The following USP6NL variants were observed in gnomAD, a reference collection of about 807,000 sequenced individuals.
The protein encoded by USP6NL is USP6 N-terminal like.
USP6NL carries 26 observed loss-of-function variants against 61.9 expected under a neutral mutation model. The ratio of observed to expected loss-of-function variants is 0.42; its 90% CI spans 0.31 to 0.58. The LOEUF (loss-of-function observed/expected upper bound fraction) is 0.58. Ranked by LOEUF, USP6NL falls within the 20% of genes least tolerant of loss-of-function variation. The pLI, the probability that USP6NL is intolerant of heterozygous loss-of-function variation, is 0.16. For synonymous variants in USP6NL, 432 were observed against 390.1 expected (o/e 1.11, Z -1.27); for missense variants, 1,114 against 1,034.3 (o/e 1.08, Z -1.06).
intron 1 of USP6NL, among the ~76,000 whole-genome samples, chr10:11,608,708 A>G (rs1418089671): frequency 6.6e-6 from 1 of 152,238 alleles, no homozygotes; most frequent in African/African-American, 2.4e-5. Context: ...TACCTAACAC[A>G]AAGTCCTGGG....
intron 2 of USP6NL, among the ~76,000 whole-genome samples, chr10:11,531,669 A>T (rs1403345582): frequency 9.3e-6 from 1 of 107,734 alleles, no homozygotes; most frequent in African/African-American, 2.8e-5. Context: ...ATGTTTGTTT[A>T]AAAAAAAAAA....
At chr10:11,539,381 G>A (rs1272556538) in intron 2 of USP6NL, among the ~76,000 whole-genome samples, 5 of 152,160 alleles carry the variant, frequency 3.3e-5, no homozygotes, top group Admixed American at 6.5e-5. Flanking sequence ...AGTCTCCTGC[G>A]CCTTACTTCT....
At position 11,476,895 on chromosome 10, in the gene USP6NL, G is replaced by A. The variant is rs767830210; in HGVS notation, c.1078+4875C>T. 3.5e-4 allele frequency among the ~76,000 whole-genome samples: 39 copies of A among 110,610 alleles called. No individual in the cohort carries two copies. Among genetic ancestry groups the A allele is most frequent in the Admixed American group, 7.0e-4 (7 of 10,008 alleles). 72.6% of individuals were successfully genotyped at this position (110,610 alleles called of 152,430 possible). A position where few individuals can be genotyped will look rare whatever the true frequency, so the allele number is the denominator to read the frequency against. ...TTTATTATTATTATTTTTTCAAGAC[G>A]GAGTCTTGCTCTGTCACCCAGGCTG... On this transcript the variant is annotated intron_variant, in intron 14 of 14. Transcript: ENST00000609104. This position sits in a 1 kb window ranked among gnomAD's most constrained non-coding sequence, Gnocchi z 4.3.
chr10:11,608,289 G>T (rs1370324105), intron 1 of USP6NL, among the ~76,000 whole-genome samples: 1 of 152,206 alleles, frequency 6.6e-6, no homozygotes, highest in Non-Finnish European at 1.5e-5. Context: ...GTCACTCCCA[G>T]GTCTGGTATG....
chr10:11,578,517 T>C (rs1373780088), intron 2 of USP6NL, among the ~76,000 whole-genome samples: 1 of 152,146 alleles, frequency 6.6e-6, no homozygotes, highest in Non-Finnish European at 1.5e-5. Context: ...GGCGGAAGGA[T>C]CCCTTGAGCC....
intron 7 of USP6NL, among the ~76,000 whole-genome samples, chr10:11,498,383 G>A (rs1458317848): frequency 6.6e-6 from 1 of 150,630 alleles, no homozygotes; most frequent in Non-Finnish European, 1.5e-5. Context: ...CTAAATGCAA[G>A]AGAGAAAAAT....
chr10:11,548,900 A>G lies in USP6NL; in HGVS notation c.5-21333T>C, dbSNP rs539174789. Reference sequence around the variant, plus strand: ...AAGGAAGTTGTATTAGTGCTATTATACCCAGAAAAGTCCCTAAAGACCATT... The same window carrying G: ...AAGGAAGTTGTATTAGTGCTATTATGCCCAGAAAAGTCCCTAAAGACCATT... On this transcript the variant is annotated intron_variant, in intron 2 of 14. Coordinates refer to ENST00000609104, the MANE Select transcript of USP6NL (RefSeq NM_014688.5). This position sits in a 1 kb window ranked among gnomAD's most constrained non-coding sequence, Gnocchi z 4.3. Among the ~76,000 whole-genome samples the G allele has an allele frequency of 6.6e-6, 1 of 152,158 alleles. No individual in the cohort carries two copies. Among genetic ancestry groups the G allele is most frequent in the African/African-American group, 2.4e-5 (1 of 41,446 alleles).
rs1836352899 is a variant in USP6NL, at chr10:11,548,161, G to T, written c.5-20594C>A. Reference sequence around the variant, plus strand: ...TCCTTTTAGTTCTAAACAAAATTAGGCTTTTCCACATGAGAGGCCTGTAAA... The same window carrying T: ...TCCTTTTAGTTCTAAACAAAATTAGTCTTTTCCACATGAGAGGCCTGTAAA... On this transcript the variant is annotated intron_variant, in intron 2 of 14. Coordinates refer to ENST00000609104, the MANE Select transcript of USP6NL (RefSeq NM_014688.5). This position sits in a 1 kb window ranked among gnomAD's most constrained non-coding sequence, Gnocchi z 4.3. Among the ~76,000 whole-genome samples the T allele has an allele frequency of 6.6e-6, 1 of 152,036 alleles. No homozygotes were observed. The highest frequency in any genetic ancestry group is 2.4e-5 in the African/African-American group (1 of 41,382).
rs1254721500 is a variant in USP6NL, at chr10:11,525,551, A to T, written c.73-83T>A. On this transcript the variant is annotated intron_variant, in intron 3 of 14. Transcript: ENST00000609104. This position sits in a 1 kb window ranked among gnomAD's most constrained non-coding sequence, Gnocchi z 5.0. Reference sequence around the variant, plus strand: ...TAAAATAAAAGGACGAAGAAATAAGAGCTATTTTTAATGTATTACTAAAAA... The same window carrying T: ...TAAAATAAAAGGACGAAGAAATAAGTGCTATTTTTAATGTATTACTAAAAA... 2 of 1,209,992 alleles carry T rather than the reference A, an allele frequency of 1.7e-6. No individual in the cohort carries two copies. The highest frequency in any genetic ancestry group is 2.3e-6 in the Non-Finnish European group (2 of 883,154). 75.0% of individuals were successfully genotyped at this position (1,209,992 alleles called of 1,614,324 possible).
In USP6NL at chr10:11,493,234, G is replaced by C; in HGVS notation, c.385-6C>G. 4 of 1,593,806 alleles carry C rather than the reference G, an allele frequency of 2.5e-6. No homozygotes were observed. The highest frequency in any genetic ancestry group is 3.4e-6 in the Non-Finnish European group (4 of 1,167,252). ...CGTGCTCTGTGTTTTAATTTCTGAA[G>C]AGAGAAAGAGAGAACAGAACAGATT... On this transcript the variant is annotated splice_region_variant and splice_polypyrimidine_tract_variant and intron_variant, in intron 7 of 14. Coordinates refer to ENST00000609104, the MANE Select transcript of USP6NL (RefSeq NM_014688.5).
chr10:11,469,061 C>T (rs945514860), intron 14 of USP6NL, among the ~76,000 whole-genome samples: 12 of 152,190 alleles, frequency 7.9e-5, no homozygotes, highest in Non-Finnish European at 1.5e-4. Flanking sequence ...ACACATCACA[C>T]ATCTATGCAT....
At chr10:11,498,682 A>C (rs1286662975) in intron 7 of USP6NL, among the ~76,000 whole-genome samples, 1 of 152,188 alleles carries the variant, frequency 6.6e-6, no homozygotes, top group Non-Finnish European at 1.5e-5. Flanking sequence ...AAAATACGGC[A>C]ATATGAAGCT....
intron 10 of USP6NL, among the ~76,000 whole-genome samples, chr10:11,488,147 C>T (rs1423422938): frequency 6.6e-6 from 1 of 152,134 alleles, no homozygotes; most frequent in African/African-American, 2.4e-5. Flanking sequence ...GGCTGTGGCT[C>T]ACACCTGTAA....
rs1000987187 is a variant in USP6NL at position 11,511,974 on chromosome 10, C to G, written c.196-2299G>C. On this transcript the variant is annotated intron_variant, in intron 5 of 14. Coordinates refer to ENST00000609104, the MANE Select transcript of USP6NL (RefSeq NM_014688.5). The surrounding 1 kb of genome is among the most constrained non-coding windows in gnomAD (Gnocchi z 4.9). ...AATGCACATGAAAGTCTCTTTCCCC[C>G]AATCATGAATCTATAATTCATAGAT... Among the ~76,000 whole-genome samples, 2 of 152,100 alleles carry G rather than the reference C, an allele frequency of 1.3e-5. No homozygotes were observed. The highest frequency in any genetic ancestry group is 2.9e-5 in the Non-Finnish European group (2 of 68,024).
Position 11,490,739 on chromosome 10 carries a change from C to T in USP6NL, c.543+93G>A, listed in dbSNP as rs143272078. 1.5e-3 allele frequency: 1,894 copies of T among 1,276,572 alleles called. 5 individuals carry two copies. The highest frequency in any genetic ancestry group is 2.4e-3 in the Middle Eastern group (13 of 5,420). 79.1% of individuals were successfully genotyped at this position (1,276,572 alleles called of 1,614,324 possible). A position where few individuals can be genotyped will look rare whatever the true frequency, so the allele number is the denominator to read the frequency against. ...AAGAGACCATGGAGACCACCTAGCT[C>T]TGAGATGCAGAAATGTGCCCACAGG... On this transcript the variant is annotated intron_variant, in intron 9 of 14. Transcript: ENST00000609104. This position sits in a 1 kb window ranked among gnomAD's most constrained non-coding sequence, Gnocchi z 4.5.
At chr10:11,523,806 T>A (rs1835318548) in intron 4 of USP6NL, among the ~76,000 whole-genome samples, 1 of 152,192 alleles carries the variant, frequency 6.6e-6, no homozygotes, top group South Asian at 2.1e-4. Flanking sequence ...TCTGGTACAG[T>A]GGTTCATTCC....
chr10:11,469,204 T>C (rs1832617653), intron 14 of USP6NL, among the ~76,000 whole-genome samples: 1 of 152,254 alleles, frequency 6.6e-6, no homozygotes, highest in Non-Finnish European at 1.5e-5. Flanking sequence ...AGTTCTTTCA[T>C]GGCAGCCCCT....
chr10:11,473,296 C>T (rs904413896), intron 14 of USP6NL, among the ~76,000 whole-genome samples: 3 of 152,154 alleles, frequency 2.0e-5, no homozygotes, highest in Non-Finnish European at 4.4e-5. Flanking sequence ...AGGCAGGAGC[C>T]GGTTACTGTC....
intron 2 of USP6NL, among the ~76,000 whole-genome samples, chr10:11,554,135 A>T (rs1276411913): frequency 6.6e-6 from 1 of 152,176 alleles, no homozygotes; most frequent in Non-Finnish European, 1.5e-5. Context: ...AGAAGGAGTG[A>T]AGGAAGGTGG....
Sources: allele counts gnomAD v4.1 joint callset (sites outside exome capture counted in the v4.1 genomes callset), GRCh38; gene constraint gnomAD v4.1.1; non-coding constraint Gnocchi (gnomAD v3.1); transcripts MANE v1.5; gene names NCBI Gene and HGNC (gene_info 2026-07-23, HGNC 2026-07-21).